Variants in SESTD1 observed in about 807,000 individuals in gnomAD.
The protein encoded by SESTD1 is SEC14 and spectrin domain containing 1, also known as SEC14 domain and spectrin repeat-containing protein 1.
A neutral mutation model predicts 101.7 loss-of-function variants in SESTD1; 43 were observed. That is an observed-to-expected ratio of 0.42 (90% CI 0.33 to 0.55). The LOEUF (loss-of-function observed/expected upper bound fraction) is 0.55. Among genes scored for constraint, SESTD1 ranks in the 20% least tolerant of loss-of-function variants. The pLI, the probability that SESTD1 is intolerant of heterozygous loss-of-function variation, is 0.07. For synonymous variants in SESTD1, 283 were observed against 286.8 expected, an observed-to-expected ratio of 0.99 and a Z score of 0.13; for missense variants, 647 against 815.1, an observed-to-expected ratio of 0.79 and a Z score of 2.51.
chr2:179,134,515 C>T (rs1275839905), intron 9 of SESTD1, among the ~76,000 whole-genome samples: 2 of 152,136 alleles, frequency 1.3e-5, no homozygotes, highest in Non-Finnish European at 2.9e-5. Context: ...TACTTCAATT[C>T]TCTATTGTCG....
chr2:179,219,080 C>T (rs937335047), intron 1 of SESTD1, among the ~76,000 whole-genome samples: 1 of 143,570 alleles, frequency 7.0e-6, no homozygotes, highest in Non-Finnish European at 1.5e-5. Flanking sequence ...CTGGGAGAGC[C>T]ACCCAAGATC....
intron 1 of SESTD1, among the ~76,000 whole-genome samples, chr2:179,259,418 C>T (rs771389986): frequency 3.3e-5 from 5 of 152,036 alleles, no homozygotes; most frequent in East Asian, 1.9e-4. Flanking sequence ...TTAGTAGAGA[C>T]GGGGTTTCAC....
At chr2:179,180,083 C>T (rs1182394503) in intron 3 of SESTD1, among the ~76,000 whole-genome samples, 1 of 152,114 alleles carries the variant, frequency 6.6e-6, no homozygotes. Flanking sequence ...CATGAATATC[C>T]AAAATACTGT....
At chr2:179,227,508 T>C (rs781003477) in intron 1 of SESTD1, among the ~76,000 whole-genome samples, 3 of 152,188 alleles carry the variant, frequency 2.0e-5, no homozygotes, top group Non-Finnish European at 4.4e-5. Flanking sequence ...ACAAAATTTT[T>C]GCCATCCACT....
chr2:179,159,103 T>C (rs931212427), intron 5 of SESTD1, among the ~76,000 whole-genome samples: 2 of 152,104 alleles, frequency 1.3e-5, no homozygotes, highest in African/African-American at 4.8e-5. Flanking sequence ...CATTTAAGAG[T>C]GTGCAATAGT....
At chr2:179,256,644 C>G (rs1188175001) in intron 1 of SESTD1, among the ~76,000 whole-genome samples, 1 of 151,980 alleles carries the variant, frequency 6.6e-6, no homozygotes, top group African/African-American at 2.4e-5. Context: ...AACCCCATCT[C>G]TACTCAAAAT....
At chr2:179,217,332 C>T (rs1221206430) in intron 1 of SESTD1, among the ~76,000 whole-genome samples, 1 of 152,214 alleles carries the variant, frequency 6.6e-6, no homozygotes, top group Non-Finnish European at 1.5e-5. Context: ...TATAAATAGA[C>T]ACTTCTCAAA....
At chr2:179,117,862 A>G (rs2044667755) in intron 13 of SESTD1, among the ~76,000 whole-genome samples, 1 of 152,232 alleles carries the variant, frequency 6.6e-6, no homozygotes, top group Admixed American at 6.5e-5. Flanking sequence ...ATTCTGCAAA[A>G]TATTAAAGCA....
Position 179,109,549 on chromosome 2 carries a change from T to A in SESTD1, c.*350A>T, listed in dbSNP as rs1464034975. 7.6e-6 allele frequency: 3 copies of A among 395,736 alleles called. No homozygotes were observed. Among genetic ancestry groups the A allele is most frequent in the Non-Finnish European group, 8.9e-6 (2 of 224,354 alleles). The allele number at this position is 395,736 out of a possible 1,614,324, so 24.5% of individuals were successfully genotyped here. A position where few individuals can be genotyped will look rare whatever the true frequency, so the allele number is the denominator to read the frequency against. ...ATCACCTGTGGAGGAAGGGCAACTT[T>A]TTTTTTTCTTTTTAATAGAGAGAAT... is the stretch of plus-strand genomic sequence containing the variant. On this transcript the variant is annotated 3_prime_UTR_variant, in exon 18 of 18. Transcript: ENST00000428443.
At chr2:179,152,413 A>T (rs191983752) in intron 5 of SESTD1, among the ~76,000 whole-genome samples, 1 of 152,222 alleles carries the variant, frequency 6.6e-6, no homozygotes, top group South Asian at 2.1e-4. Flanking sequence ...TTATGTGACT[A>T]TATGTGCTTG....
intron 2 of SESTD1, among the ~76,000 whole-genome samples, chr2:179,186,275 G>A (rs112367400): frequency 5.9e-5 from 9 of 152,056 alleles, no homozygotes; most frequent in Admixed American, 5.9e-4. Context: ...TTTACTCAAC[G>A]ATCTAAACTC....
intron 2 of SESTD1, among the ~76,000 whole-genome samples, chr2:179,187,040 G>A (rs2046243096): frequency 6.6e-6 from 1 of 152,064 alleles, no homozygotes; most frequent in Admixed American, 6.6e-5. Context: ...TATAAGTGAA[G>A]GAGAAATAAA....
At chr2:179,191,944 C>T in intron 1 of SESTD1, 78 bp from the exon 2 acceptor site, 1 of 1,013,088 alleles carries the variant, frequency 9.9e-7, no homozygotes, top group Non-Finnish European at 1.5e-6. Context: ...TGGTTTATCC[C>T]AGAGTTTCTA....
chr2:179,188,346 T>G (rs1251457272), intron 2 of SESTD1, among the ~76,000 whole-genome samples: 5 of 152,108 alleles, frequency 3.3e-5, no homozygotes, highest in Non-Finnish European at 5.9e-5. Context: ...GTAAACAAAA[T>G]TAAGGCAGAA....
intron 5 of SESTD1, among the ~76,000 whole-genome samples, chr2:179,156,432 C>T (rs963492009): frequency 1.3e-5 from 2 of 152,140 alleles, no homozygotes; most frequent in African/African-American, 4.8e-5. Flanking sequence ...AGTGGCTGTA[C>T]TAGTTTACAT....
At chr2:179,231,934 C>T (rs1459502004) in intron 1 of SESTD1, among the ~76,000 whole-genome samples, 1 of 151,860 alleles carries the variant, frequency 6.6e-6, no homozygotes, top group Non-Finnish European at 1.5e-5. Context: ...CATCACATAG[C>T]AACTACTTTT....
At chr2:179,110,264 T>G (rs2044478867) in intron 17 of SESTD1, among the ~76,000 whole-genome samples, 1 of 152,104 alleles carries the variant, frequency 6.6e-6, no homozygotes. Flanking sequence ...GGTATAAAGG[T>G]TATATCATGT....
chr2:179,176,455 A>G lies in SESTD1; in HGVS notation c.248T>C (p.Met83Thr), dbSNP rs1244812853. Residue 83 changes from methionine to threonine, a missense_variant, in exon 4 of 18, where the codon ATG becomes ACG. Coordinates refer to ENST00000428443, the MANE Select transcript of SESTD1 (RefSeq NM_178123.5). The stretch of plus-strand genomic sequence containing the variant: ...AGACAAAACCAAAATTACCTGTAGC[A>G]TTACGACTACTGTTTTCACCACATT... ...QWNVVKTVVVMLQNVVPAEVS... is the reference protein window; with the variant it reads ...QWNVVKTVVVTLQNVVPAEVS... 8.1e-6 allele frequency: 13 copies of G among 1,612,950 alleles called. No individual in the cohort carries two copies. The highest frequency in any genetic ancestry group is 1.1e-5 in the Non-Finnish European group (13 of 1,179,472).
At chr2:179,162,356 T>C (rs1446866292) in intron 5 of SESTD1, 1 of 152,164 alleles carries the variant, frequency 6.6e-6, no homozygotes, top group East Asian at 1.9e-4. Context: ...AAATGCTAAA[T>C]AATGTTGCTC....
Sources: gnomAD v4.1 joint callset for allele counts (sites outside exome capture counted in the v4.1 genomes callset) on GRCh38, gnomAD v4.1.1 for gene constraint, MANE v1.5 for transcripts, NCBI Gene and HGNC (gene_info 2026-07-23, HGNC 2026-07-21) for gene names.